The following SPECC1 variants were observed in gnomAD, a reference collection of about 807,000 sequenced individuals.
SPECC1 encodes the protein cytospin-B.
A neutral mutation model predicts 104.1 loss-of-function variants in SPECC1; 62 were observed. The observed-to-expected ratio is 0.60, with a 90% CI of 0.49 to 0.74. SPECC1 has a LOEUF of 0.74. Ranked by LOEUF, SPECC1 falls within the 30% of genes least tolerant of loss-of-function variation. The pLI is 0.00. For missense variants in SPECC1, 1,306 were observed against 1,310.5 expected (o/e 1.00, Z 0.05); for synonymous variants, 513 against 501.6 (o/e 1.02, Z -0.30).
Position 20,231,772 on chromosome 17 carries a change from C to G in SPECC1, c.2086C>G (p.Leu696Val). Residue 696 changes from leucine to valine, a missense_variant, in exon 6 of 15, where the codon CTG becomes GTG. Leu to Val is a conservative substitution (Grantham distance 32). Transcript: ENST00000395527. ...TTTATTTCTAGGTAGTGTGATCAAG[C>G]TGGAGGAACAGAAGTCAGACCTGGA... ...ISELESSVIK[L>V]EEQKSDLERQ... 6.2e-7 allele frequency: 1 copy of G among 1,613,992 alleles called. No individual in the cohort carries two copies. The highest frequency in any genetic ancestry group is 8.5e-7 in the Non-Finnish European group (1 of 1,179,990).
chr17:20,171,650 T>C (rs2034098731), intron 3 of SPECC1, among the ~76,000 whole-genome samples: 2 of 152,114 alleles, frequency 1.3e-5, no homozygotes, highest in South Asian at 4.2e-4. Context: ...CAGGCTCAAG[T>C]GATCCTCCTG....
At chr17:20,083,136 A>G (rs7225605) in intron 1 of SPECC1, among the ~76,000 whole-genome samples, 18,727 of 152,236 alleles carry the variant, frequency 0.12, 1,156 homozygotes, top group Non-Finnish European at 0.13. Context: ...TTGTTAATTC[A>G]TCAAACAAAA....
At chr17:20,298,219 G>T (rs1598162326) in intron 13 of SPECC1, among the ~76,000 whole-genome samples, 1 of 152,278 alleles carries the variant, frequency 6.6e-6, no homozygotes, top group East Asian at 1.9e-4. Context: ...GGGCATGGTG[G>T]TGCACACCTG....
chr17:20,264,347 G>T (rs1241555111), intron 12 of SPECC1, among the ~76,000 whole-genome samples: 1 of 151,360 alleles, frequency 6.6e-6, no homozygotes, highest in African/African-American at 2.4e-5. Context: ...CAGGTAGTAA[G>T]CATAGTACTC....
intron 7 of SPECC1, among the ~76,000 whole-genome samples, chr17:20,240,202 C>T (rs2151516232): frequency 6.7e-6 from 1 of 150,344 alleles, no homozygotes; most frequent in Non-Finnish European, 1.5e-5. Flanking sequence ...CAGCCATGAG[C>T]CACCATGCCC....
chr17:20,305,533 G>A (rs78041331), intron 13 of SPECC1: 3 of 154,156 alleles, frequency 1.9e-5, no homozygotes, highest in Non-Finnish European at 2.9e-5. Context: ...AGTAGTAGTC[G>A]TATTAGCATA....
chr17:20,081,578 T>A lies in SPECC1; in HGVS notation c.-21-15053T>A, dbSNP rs116028509. Among the ~76,000 whole-genome samples, 1,477 of 151,922 alleles carry A rather than the reference T, an allele frequency of 9.7e-3. 21 individuals are homozygous for A. Among genetic ancestry groups the A allele is most frequent in the African/African-American group, 0.034 (1,402 of 41,448 alleles). ...GGATCTGACCTACATTGCTAAAGGA[T>A]CATTGTGGTTAGTGTGGAAAGATTA... is the stretch of plus-strand genomic sequence containing the variant. On this transcript the variant is annotated intron_variant, in intron 1 of 14. Coordinates refer to ENST00000395527, the MANE Select transcript of SPECC1 (RefSeq NM_001243439.2).
intron 2 of SPECC1, among the ~76,000 whole-genome samples, chr17:20,098,247 G>T (rs1437195596): frequency 6.6e-6 from 1 of 151,760 alleles, no homozygotes; most frequent in Non-Finnish European, 1.5e-5. Context: ...CCATCTTCTT[G>T]GTTGCTCAGG....
chr17:20,310,406 G>T (rs76462982), intron 14 of SPECC1, among the ~76,000 whole-genome samples: 2 of 151,808 alleles, frequency 1.3e-5, no homozygotes, highest in African/African-American at 2.4e-5. Context: ...ACTTTTTGAC[G>T]TTCTATCAAT....
chr17:20,257,367 A>G (rs1567586353), intron 10 of SPECC1, 84 bp from the exon 11 acceptor site: 1 of 1,428,496 alleles, frequency 7.0e-7, no homozygotes, highest in Non-Finnish European at 9.4e-7. Context: ...TAAAATGAGA[A>G]CTGTATTGTA....
rs188185332 is a variant in SPECC1 at position 20,083,840 on chromosome 17, G to A, written c.-21-12791G>A. Among the ~76,000 whole-genome samples the A allele has an allele frequency of 7.0e-4, 106 of 152,232 alleles. 1 individual carries two copies. The highest frequency in any genetic ancestry group is 5.3e-3 in the Admixed American group (81 of 15,290). ...AGTGGCTGTACCATTTTGCATTTCC[G>A]CCAGCAATGTATTAGAGTTCCAGTT... On this transcript the variant is annotated intron_variant, in intron 1 of 14. Coordinates refer to ENST00000395527, the MANE Select transcript of SPECC1 (RefSeq NM_001243439.2).
chr17:20,165,965 C>T (rs1300799724), intron 3 of SPECC1, among the ~76,000 whole-genome samples: 1 of 151,866 alleles, frequency 6.6e-6, no homozygotes, highest in African/African-American at 2.4e-5. Flanking sequence ...GGATAGCTTG[C>T]AAAAATGTTC....
At chr17:20,010,772 T>G (rs1475461586) in intron 1 of SPECC1, among the ~76,000 whole-genome samples, 1 of 152,246 alleles carries the variant, frequency 6.6e-6, no homozygotes, top group Non-Finnish European at 1.5e-5. Context: ...GGAATCTTTG[T>G]CTTGGGCTTG....
intron 12 of SPECC1, among the ~76,000 whole-genome samples, chr17:20,271,757 C>CAAA (rs2040416978): frequency 6.6e-6 from 1 of 151,644 alleles, no homozygotes; most frequent in African/African-American, 2.4e-5. Context: ...TCTTTTTTTT[C>CAAA]CCCTTTGTTT....
chr17:20,104,458 G>C (rs1325987237), intron 2 of SPECC1, among the ~76,000 whole-genome samples: 1 of 152,076 alleles, frequency 6.6e-6, no homozygotes, highest in East Asian at 1.9e-4. Flanking sequence ...ATTCTCTTTT[G>C]TTGGCCAGGC....
At chr17:20,012,530 T>G (rs1448529341) in intron 1 of SPECC1, among the ~76,000 whole-genome samples, 1 of 151,956 alleles carries the variant, frequency 6.6e-6, no homozygotes, top group Non-Finnish European at 1.5e-5. Context: ...ATTTTTTTTT[T>G]GTTCATTCTC....
rs558884865 is a variant in SPECC1, at chr17:20,279,309, C to CTTTTTT, written c.2941-17644_2941-17639dup. 5.3e-5 allele frequency among the ~76,000 whole-genome samples: 7 copies of CTTTTTT among 131,858 alleles called. No individual in the cohort carries two copies. In the East Asian group the frequency reaches 6.6e-4, roughly 13 times the overall value. 86.5% of individuals were successfully genotyped at this position (131,858 alleles called of 152,430 possible). A position where few individuals can be genotyped will look rare whatever the true frequency, so the allele number is the denominator to read the frequency against. On this transcript the variant is annotated intron_variant, in intron 12 of 14. Transcript: ENST00000395527. ...ACGGAGTTGAAGGTTACTTTTCTTT[C>CTTTTTT]TTTTTTTTTTTTTCTTTTTTTTTTT...
intron 1 of SPECC1, among the ~76,000 whole-genome samples, chr17:20,023,785 A>G (rs931858187): frequency 1.3e-5 from 2 of 151,060 alleles, no homozygotes; most frequent in African/African-American, 4.8e-5. Flanking sequence ...GGTAACTCCT[A>G]TGCTATTCAA....
chr17:20,057,131 A>G (rs1436918688), intron 1 of SPECC1, among the ~76,000 whole-genome samples: 3 of 152,148 alleles, frequency 2.0e-5, no homozygotes, highest in East Asian at 1.9e-4. Context: ...TGAGTTAACA[A>G]GCATATCAAA....
Sources: allele counts gnomAD v4.1 joint callset (sites outside exome capture counted in the v4.1 genomes callset), GRCh38; gene constraint gnomAD v4.1.1; transcripts MANE v1.5; gene names NCBI Gene and HGNC (gene_info 2026-07-23, HGNC 2026-07-21).